The following BUD13 variants were observed in gnomAD, a reference collection of about 807,000 sequenced individuals.
BUD13 encodes BUD13 homolog.
Under a neutral mutation model 62.5 loss-of-function variants are expected in BUD13, and 47 were observed. The ratio of observed to expected loss-of-function variants is 0.75; its 90% CI spans 0.60 to 0.96. The LOEUF is 0.96. Ranked by LOEUF, BUD13 falls within the 40% of genes least tolerant of loss-of-function variation. BUD13 has a pLI of 0.00. For missense variants in BUD13, 821 were observed against 790.9 expected, an observed-to-expected ratio of 1.04 and a Z score of -0.46; for synonymous variants, 293 against 280.1, an observed-to-expected ratio of 1.05 and a Z score of -0.46.
rs533234294 is a variant in BUD13, at chr11:116,771,327, T to C, written c.144-1105A>G. On this transcript the variant is annotated intron_variant, in intron 1 of 9. Coordinates refer to ENST00000260210, the MANE Select transcript of BUD13 (RefSeq NM_032725.4). ...ATAAGCTCCACAAGAACAGGGACTA[T>C]GTTTTTTTTGTTCACAGAGGCATCC... 2.6e-5 allele frequency among the ~76,000 whole-genome samples: 4 copies of C among 152,340 alleles called. No individual in the cohort carries two copies. In the East Asian group the frequency reaches 7.7e-4, roughly 29 times the overall value.
At chr11:116,763,640 C>G (rs1028929906) in intron 3 of BUD13, among the ~76,000 whole-genome samples, 2 of 152,128 alleles carry the variant, frequency 1.3e-5, no homozygotes, top group African/African-American at 4.8e-5. Flanking sequence ...AAGACACAGG[C>G]TAGAATCCAA....
At chr11:116,761,236 G>A (rs1940426687) in intron 4 of BUD13, among the ~76,000 whole-genome samples, 1 of 151,954 alleles carries the variant, frequency 6.6e-6, no homozygotes, top group Non-Finnish European at 1.5e-5. Flanking sequence ...GTTTTTAGTA[G>A]AGATGGGGTT....
At position 116,759,065 on chromosome 11, in the gene BUD13, T is replaced by C; in HGVS notation, c.1360+9A>G. ...GCCTAAATTGGTCTCTGCACTTTCA[T>C]ATTTTTACCTTCAAATGCCATGGTT... On this transcript the variant is annotated intron_variant, in intron 6 of 9. Transcript: ENST00000260210. The C allele has an allele frequency of 1.9e-6, 3 of 1,608,736 alleles. No homozygotes were observed. Among genetic ancestry groups the C allele is most frequent in the South Asian group, 2.2e-5 (2 of 90,924 alleles).
At chr11:116,763,812 T>C (rs1406512686) in intron 3 of BUD13, among the ~76,000 whole-genome samples, 3 of 152,216 alleles carry the variant, frequency 2.0e-5, no homozygotes, top group Admixed American at 6.5e-5. Context: ...AATAAAATGC[T>C]GTTAACTATT....
At chr11:116,768,426 C>T (rs995989057) in intron 2 of BUD13, among the ~76,000 whole-genome samples, 3 of 152,044 alleles carry the variant, frequency 2.0e-5, no homozygotes, top group East Asian at 1.9e-4. Context: ...AAAATACAAG[C>T]GTGTATAATC....
Position 116,763,052 on chromosome 11 carries a change from C to A in BUD13, c.537G>T (p.Arg179Ser), listed in dbSNP as rs1940464024. The A allele has an allele frequency of 6.2e-7, 1 of 1,612,116 alleles. No individual in the cohort carries two copies. Among genetic ancestry groups the A allele is most frequent in the Admixed American group, 1.7e-5 (1 of 59,878 alleles). The change falls in exon 4 of 10, where the codon AGG becomes AGT. Residue 179 changes from arginine (R) to serine (S), a missense_variant. Transcript: ENST00000260210. The stretch of plus-strand genomic sequence containing the variant: ...AAGTGTCTGAGGAGTCATGACGGAT[C>A]CTCCTGGGAGGAGATGTGTCTGAGT... ...RHDSDTSPPR[R>S]IRHDSSDTSP... is the part of the protein sequence containing the mutation.
At chr11:116,770,651 C>T (rs892072078) in intron 1 of BUD13, among the ~76,000 whole-genome samples, 13 of 151,996 alleles carry the variant, frequency 8.6e-5, no homozygotes, top group Non-Finnish European at 1.6e-4. Flanking sequence ...ACCACTGCCA[C>T]GCCTGGCTAA....
intron 9 of BUD13, among the ~76,000 whole-genome samples, chr11:116,749,518 C>A (rs757153042): frequency 6.6e-6 from 1 of 152,090 alleles, no homozygotes. Flanking sequence ...GTCTGGAGGT[C>A]ATTTCAGAAC....
intron 4 of BUD13, among the ~76,000 whole-genome samples, chr11:116,762,160 C>G (rs1940441779): frequency 6.6e-6 from 1 of 152,114 alleles, no homozygotes; most frequent in African/African-American, 2.4e-5. Flanking sequence ...CAAGATTGCA[C>G]ATGCAATACA....
intron 5 of BUD13, 59 bp downstream of exon 5, chr11:116,760,676 A>G (rs1489786321): frequency 6.5e-7 from 1 of 1,543,650 alleles, no homozygotes; most frequent in East Asian, 2.2e-5. Flanking sequence ...TGGGACATAT[A>G]TAAAGCTGAG....
chr11:116,751,679 T>C (rs1015080895), intron 9 of BUD13, among the ~76,000 whole-genome samples: 5 of 152,086 alleles, frequency 3.3e-5, no homozygotes, highest in African/African-American at 9.7e-5. Flanking sequence ...TCTCCAACCT[T>C]AGAAGCATGG....
intron 2 of BUD13, among the ~76,000 whole-genome samples, chr11:116,768,067 A>G (rs1174876043): frequency 6.6e-6 from 1 of 151,806 alleles, no homozygotes; most frequent in Non-Finnish European, 1.5e-5. Context: ...CATCACCTCT[A>G]GTGGGAGTGT....
rs746909328 is a variant in BUD13, at chr11:116,748,404, C to T, written c.*78G>A. On this transcript the variant is annotated 3_prime_UTR_variant, in exon 10 of 10. Transcript: ENST00000260210. ...TCTGTGTGGGCTCCAATTATTAGCA[C>T]AGACAACTGTTACCACTGGATATCT... The T allele has an allele frequency of 8.6e-5, 113 of 1,310,904 alleles. No individual in the cohort carries two copies. The highest frequency in any genetic ancestry group is 1.2e-4 in the Non-Finnish European group (107 of 909,886). The allele number at this position is 1,310,904 out of a possible 1,614,324, so 81.2% of individuals were successfully genotyped here.
rs556904480 is a variant in BUD13, at chr11:116,763,387, A to G, written c.323-121T>C. On this transcript the variant is annotated intron_variant, in intron 3 of 9. Transcript: ENST00000260210. ...CCTCAGAACTGCTCAGAAAGCCCAA[A>G]AGGCCTGCACAGTTTTCTTGCTTAG... The G allele has an allele frequency of 2.9e-5, 25 of 850,160 alleles. No homozygotes were observed. In the Admixed American group the frequency reaches 3.2e-4, roughly 11 times the overall value. The allele number at this position is 850,160 out of a possible 1,614,324, so 52.7% of individuals were successfully genotyped here. A position where few individuals can be genotyped will look rare whatever the true frequency, so the allele number is the denominator to read the frequency against.
At chr11:116,763,756 TCA>T (rs1351590213) in intron 3 of BUD13, among the ~76,000 whole-genome samples, 5 of 152,362 alleles carry the variant, frequency 3.3e-5, no homozygotes, top group African/African-American at 1.2e-4. Flanking sequence ...TAGTTTGTAC[TCA>T]CTCTTCTTTC....
chr11:116,754,407 A>G (rs965805238), intron 9 of BUD13, among the ~76,000 whole-genome samples: 5 of 152,260 alleles, frequency 3.3e-5, no homozygotes, highest in African/African-American at 1.2e-4. Flanking sequence ...GAATTAAATT[A>G]TAAGTAAATA....
chr11:116,759,827 G>A (rs1347993348), intron 5 of BUD13, among the ~76,000 whole-genome samples: 1 of 152,124 alleles, frequency 6.6e-6, no homozygotes, highest in African/African-American at 2.4e-5. Flanking sequence ...CACTTCCTGG[G>A]TAAAGAACAG....
chr11:116,767,060 C>T (rs948570001), intron 2 of BUD13, among the ~76,000 whole-genome samples: 8 of 151,374 alleles, frequency 5.3e-5, no homozygotes, highest in Non-Finnish European at 7.4e-5. Flanking sequence ...TGGTGGCAGG[C>T]GCCTGTAATC....
chr11:116,756,231 T>A (rs1248827292), intron 9 of BUD13, among the ~76,000 whole-genome samples: 1 of 151,560 alleles, frequency 6.6e-6, no homozygotes, highest in Non-Finnish European at 1.5e-5. Flanking sequence ...GGCTCACCTG[T>A]AATCCTGTAA....
Sources: allele counts gnomAD v4.1 joint callset (sites outside exome capture counted in the v4.1 genomes callset), GRCh38; gene constraint gnomAD v4.1.1; transcripts MANE v1.5; gene names NCBI Gene and HGNC (gene_info 2026-07-23, HGNC 2026-07-21).